The following ARHGEF28 variants were observed in gnomAD, a reference collection of about 807,000 sequenced individuals.
The protein encoded by ARHGEF28 is Rho guanine nucleotide exchange factor 28, also known as 190 kDa guanine nucleotide exchange factor.
Under a neutral mutation model 206.6 loss-of-function variants are expected in ARHGEF28, and 152 were observed. That is an observed-to-expected ratio of 0.74 (90% CI 0.64 to 0.84). ARHGEF28 has a LOEUF of 0.84. ARHGEF28 is among the 40% of genes least tolerant of loss of function. ARHGEF28 has a pLI of 0.00. For missense variants in ARHGEF28, 2,028 were observed against 2,073.2 expected (o/e 0.98, Z 0.42); for synonymous variants, 763 against 776.4 (o/e 0.98, Z 0.29).
chr5:73,924,459 G>A (rs1362425603), intron 35 of ARHGEF28, among the ~76,000 whole-genome samples: 1 of 152,174 alleles, frequency 6.6e-6, no homozygotes, highest in East Asian at 1.9e-4. Flanking sequence ...AACAATGTGT[G>A]TACAACTCTT....
chr5:73,840,427 T>C, intron 10 of ARHGEF28, 53 bp from the exon 11 acceptor site: 2 of 1,559,778 alleles, frequency 1.3e-6, no homozygotes, highest in Non-Finnish European at 1.7e-6. Flanking sequence ...AATTCTTAGC[T>C]AGGCCAATCT....
Position 73,887,680 on chromosome 5 carries a change from G to C in ARHGEF28, c.3387+1G>C, listed in dbSNP as rs1761388617. On this transcript the variant is annotated splice_donor_variant, in intron 26 of 35. Transcript: ENST00000513042. LOFTEE classifies it high-confidence loss of function. ...CCAGAAATACATCTTTGCAGCCGTT[G>C]TAAGTATATGACTGTGTGATGTATT... The C allele has an allele frequency of 6.4e-7, 1 of 1,563,478 alleles. No homozygotes were observed. The highest frequency in any genetic ancestry group is 8.7e-7 in the Non-Finnish European group (1 of 1,152,780).
At chr5:73,893,421 C>T (rs1381120371) in intron 28 of ARHGEF28, 133 bp downstream of exon 28, 3 of 516,008 alleles carry the variant, frequency 5.8e-6, no homozygotes, top group Non-Finnish European at 6.5e-6. Flanking sequence ...GACCACCCTC[C>T]CGAGAAACTT....
Position 73,648,910 on chromosome 5 carries a change from C to T in ARHGEF28, c.-12+22588C>T, listed in dbSNP as rs186352266. On this transcript the variant is annotated intron_variant, in intron 1 of 35. Coordinates refer to ENST00000513042, the MANE Select transcript of ARHGEF28 (RefSeq NM_001177693.2). ...GGGATGAATTTCCTAGGTTGGCCAACCTCTGGGGAGTAATCTCACTTCAAT... is the reference window on the plus strand; with the variant it reads ...GGGATGAATTTCCTAGGTTGGCCAATCTCTGGGGAGTAATCTCACTTCAAT... 2.1e-4 allele frequency among the ~76,000 whole-genome samples: 32 copies of T among 152,316 alleles called. No homozygotes were observed. In the East Asian group the frequency reaches 5.0e-3, roughly 24 times the overall value.
chr5:73,830,840 G>GAAA (rs1757253010), intron 9 of ARHGEF28, among the ~76,000 whole-genome samples: 1 of 151,952 alleles, frequency 6.6e-6, no homozygotes, highest in Non-Finnish European at 1.5e-5. Flanking sequence ...CACCCCCATG[G>GAAA]GCTTATCAGG....
intron 14 of ARHGEF28, 126 bp downstream of exon 14, chr5:73,852,818 C>A: frequency 2.1e-6 from 2 of 962,166 alleles, no homozygotes; most frequent in Non-Finnish European, 3.3e-6. Flanking sequence ...CTGCCTAAGA[C>A]CCTTTGCTCC....
intron 1 of ARHGEF28, among the ~76,000 whole-genome samples, chr5:73,673,701 G>A (rs1746486787): frequency 6.6e-6 from 1 of 152,022 alleles, no homozygotes; most frequent in Admixed American, 6.6e-5. Context: ...AATAATAATA[G>A]TTAATAGTTG....
At position 73,884,512 on chromosome 5, in the gene ARHGEF28, A is replaced by G. The variant is rs115471568; in HGVS notation, c.3055+628A>G. Among the ~76,000 whole-genome samples, 883 of 152,346 alleles carry G rather than the reference A, an allele frequency of 5.8e-3. 10 individuals are homozygous for G. Among genetic ancestry groups the G allele is most frequent in the African/African-American group, 0.02 (830 of 41,566 alleles). ...AAAAACATATCAATGCAATGAATGAATAAATAAAATGGTCTAATCCTCAAG... is the reference window on the plus strand; with the variant it reads ...AAAAACATATCAATGCAATGAATGAGTAAATAAAATGGTCTAATCCTCAAG... On this transcript the variant is annotated intron_variant, in intron 24 of 35. Transcript: ENST00000513042.
chr5:73,897,884 A>T, intron 29 of ARHGEF28, 78 bp from the exon 30 acceptor site: 1 of 1,462,614 alleles, frequency 6.8e-7, no homozygotes, highest in South Asian at 1.3e-5. Context: ...GCCAAATGCG[A>T]TTTGCCAATT....
At chr5:73,731,973 C>T (rs1028921707) in intron 2 of ARHGEF28, among the ~76,000 whole-genome samples, 1 of 150,942 alleles carries the variant, frequency 6.6e-6, no homozygotes, top group African/African-American at 2.4e-5. Flanking sequence ...TAGCCTCCCC[C>T]AGTATCCACA....
intron 7 of ARHGEF28, among the ~76,000 whole-genome samples, chr5:73,790,738 A>G (rs1471988919): frequency 6.6e-6 from 1 of 152,146 alleles, no homozygotes; most frequent in Non-Finnish European, 1.5e-5. Flanking sequence ...AAGTGTGACA[A>G]CAGTCTCTGA....
At chr5:73,900,907 A>C in intron 30 of ARHGEF28, 1 of 291,352 alleles carries the variant, frequency 3.4e-6, no homozygotes, top group Admixed American at 4.5e-5. Flanking sequence ...CACAAACGAC[A>C]CACGAACACT....
chr5:73,685,830 C>G (rs1747431213), intron 2 of ARHGEF28, among the ~76,000 whole-genome samples: 1 of 151,922 alleles, frequency 6.6e-6, no homozygotes, highest in African/African-American at 2.4e-5. Context: ...ACCATGTTGG[C>G]CAAGATGGTC....
intron 16 of ARHGEF28, among the ~76,000 whole-genome samples, chr5:73,861,693 C>T (rs943695901): frequency 6.6e-6 from 1 of 152,168 alleles, no homozygotes; most frequent in Admixed American, 6.6e-5. Flanking sequence ...ATTTTTTAAA[C>T]AAATAATTTG....
chr5:73,732,316 G>T (rs865946818), intron 2 of ARHGEF28, among the ~76,000 whole-genome samples: 1 of 151,630 alleles, frequency 6.6e-6, no homozygotes, highest in Non-Finnish European at 1.5e-5. Flanking sequence ...GCATCATGTA[G>T]TATGTAACTT....
chr5:73,765,980 G>A (rs987909206), intron 4 of ARHGEF28, among the ~76,000 whole-genome samples: 4 of 152,102 alleles, frequency 2.6e-5, no homozygotes, highest in Admixed American at 6.6e-5. Context: ...GTGAAACCCC[G>A]TCTCTACTAA....
chr5:73,809,962 G>A (rs1430261900), intron 9 of ARHGEF28, among the ~76,000 whole-genome samples: 3 of 152,118 alleles, frequency 2.0e-5, no homozygotes, highest in African/African-American at 7.2e-5. Flanking sequence ...TGAATGAGAT[G>A]TAAATAGCAT....
intron 16 of ARHGEF28, among the ~76,000 whole-genome samples, chr5:73,858,801 C>A (rs918896733): frequency 2.0e-5 from 3 of 152,092 alleles, no homozygotes; most frequent in Admixed American, 2.0e-4. Flanking sequence ...TCACTGCGTT[C>A]AAAAAAATCT....
At chr5:73,739,774 G>A (rs2112370802) in intron 2 of ARHGEF28, among the ~76,000 whole-genome samples, 1 of 150,272 alleles carries the variant, frequency 6.7e-6, no homozygotes, top group East Asian at 2.0e-4. Context: ...TCATGCCACT[G>A]CACTCCAGTC....
Sources: allele counts gnomAD v4.1 joint callset (sites outside exome capture counted in the v4.1 genomes callset), GRCh38; gene constraint gnomAD v4.1.1; transcripts MANE v1.5; gene names NCBI Gene and HGNC (gene_info 2026-07-23, HGNC 2026-07-21).